PHF20: variants seen among roughly 807,000 people sequenced by gnomAD.
The protein encoded by PHF20 is glioma-expressed antigen 2.
A neutral mutation model predicts 113.5 loss-of-function variants in PHF20; 23 were observed. The observed-to-expected ratio is 0.20, with a 90% CI of 0.15 to 0.29. PHF20 has a LOEUF of 0.29. Ranked by LOEUF, PHF20 falls within the 10% of genes least tolerant of loss-of-function variation. The pLI is 1.00. For synonymous variants in PHF20, 434 were observed against 457.3 expected (o/e 0.95, Z 0.65); for missense variants, 943 against 1,219.6 (o/e 0.77, Z 3.38).
At position 35,938,818 on chromosome 20, in the gene PHF20, A is replaced by G; in HGVS notation, c.2422A>G (p.Ser808Gly). The change falls in exon 16 of 18, where the codon AGC becomes GGC. Residue 808 changes from serine to glycine, a missense_variant. This residue lies in a region of PHF20 where 349 missense variants were observed against 412.3 expected (regional missense o/e 0.85). Coordinates refer to ENST00000374012, the MANE Select transcript of PHF20 (RefSeq NM_016436.5). ...CACCAGGAGCAAGGAGGAAGCTCCA[A>G]GCTATAGAACTTTGAACGGGGCAGT... Reference protein sequence around the residue: ...TDTRSKEEAPSYRTLNGAVEK... With the variant: ...TDTRSKEEAPGYRTLNGAVEK... The G allele has an allele frequency of 6.2e-7, 1 of 1,614,198 alleles. No individual in the cohort carries two copies. The highest frequency in any genetic ancestry group is 8.5e-7 in the Non-Finnish European group (1 of 1,180,028).
At chr20:35,906,071 G>A (rs1278471515) in intron 10 of PHF20, among the ~76,000 whole-genome samples, 1 of 152,182 alleles carries the variant, frequency 6.6e-6, no homozygotes, top group Non-Finnish European at 1.5e-5. Context: ...GAATTTTCTA[G>A]TGTCAAAGAG....
chr20:35,947,625 T>G lies in PHF20; in HGVS notation c.3037T>G (p.Ter1013GlyextTer24). Reference sequence around the variant, plus strand: ...GCAGATCGCCCTCTGCTGCTCAACATGAAACTGGGCACCCAAAACTCATGG... The same window carrying G: ...GCAGATCGCCCTCTGCTGCTCAACAGGAAACTGGGCACCCAAAACTCATGG... ...VQQIALCCST* is the reference protein window; with the variant it reads ...VQQIALCCSTG Residue 1013 changes from the stop codon to glycine, a stop_lost, in exon 18 of 18, where the codon TGA (stop) becomes GGA (glycine). Coordinates refer to ENST00000374012, the MANE Select transcript of PHF20 (RefSeq NM_016436.5). 2 of 1,612,952 alleles carry G rather than the reference T, an allele frequency of 1.2e-6. No homozygotes were observed. Among genetic ancestry groups the G allele is most frequent in the South Asian group, 1.1e-5 (1 of 91,042 alleles).
intron 9 of PHF20, among the ~76,000 whole-genome samples, chr20:35,897,098 G>T (rs1294428769): frequency 2.0e-5 from 3 of 151,928 alleles, no homozygotes; most frequent in Non-Finnish European, 4.4e-5. Flanking sequence ...CAGTGGTACA[G>T]TCATGGCTCA....
chr20:35,773,191 G>A (rs148837661), intron 1 of PHF20, among the ~76,000 whole-genome samples: 1 of 152,248 alleles, frequency 6.6e-6, no homozygotes, highest in African/African-American at 2.4e-5. Flanking sequence ...CTCTCAGAGT[G>A]CAGCCACTTT....
chr20:35,853,740 G>C (rs1415154303), intron 4 of PHF20, among the ~76,000 whole-genome samples: 1 of 151,484 alleles, frequency 6.6e-6, no homozygotes, highest in African/African-American at 2.4e-5. Flanking sequence ...GATGGGTGAC[G>C]AAGACCCTAT....
chr20:35,786,492 A>T (rs1270716831), intron 1 of PHF20, among the ~76,000 whole-genome samples: 1 of 152,158 alleles, frequency 6.6e-6, no homozygotes, highest in Non-Finnish European at 1.5e-5. Context: ...TCACAAGGCC[A>T]GGAGATCGAG....
intron 2 of PHF20, among the ~76,000 whole-genome samples, chr20:35,836,226 A>AGG (rs1171186319): frequency 6.6e-6 from 1 of 151,602 alleles, no homozygotes; most frequent in Non-Finnish European, 1.5e-5. Flanking sequence ...TGTCTTGTTC[A>AGG]GGCTGGTCTC....
intron 10 of PHF20, among the ~76,000 whole-genome samples, chr20:35,911,074 A>T (rs1849800785): frequency 6.8e-6 from 1 of 146,700 alleles, no homozygotes; most frequent in Non-Finnish European, 1.5e-5. Context: ...GGAGTCTTGC[A>T]CTGTCGCCCA....
chr20:35,866,867 A>G (rs1232947386), intron 6 of PHF20, among the ~76,000 whole-genome samples: 1 of 152,202 alleles, frequency 6.6e-6, no homozygotes, highest in African/African-American at 2.4e-5. Flanking sequence ...AATGAGTAGG[A>G]TAAATTTAAT....
intron 9 of PHF20, among the ~76,000 whole-genome samples, chr20:35,879,662 A>G (rs183872627): frequency 2.0e-5 from 3 of 151,814 alleles, no homozygotes; most frequent in African/African-American, 7.2e-5. Context: ...TTTACATTCC[A>G]TGGTGGTTAC....
intron 1 of PHF20, chr20:35,800,286 A>T (rs747618295): frequency 2.6e-5 from 4 of 152,158 alleles, no homozygotes; most frequent in Non-Finnish European, 4.4e-5. Context: ...ATAGCTGGGC[A>T]TGGTGGCAGG....
intron 5 of PHF20, 91 bp downstream of exon 5, chr20:35,858,472 T>C: frequency 1.5e-6 from 1 of 680,900 alleles, no homozygotes. Flanking sequence ...TTGTTTATGA[T>C]AGCAAGTGTT....
chr20:35,869,653 TG>T, intron 7 of PHF20, 102 bp downstream of exon 7: 1 of 732,876 alleles, frequency 1.4e-6, no homozygotes, highest in Non-Finnish European at 2.4e-6. Flanking sequence ...CTCTAATGTT[TG>T]TCTCTGGTCA....
At position 35,913,344 on chromosome 20, in the gene PHF20, C is replaced by T; in HGVS notation, c.1657C>T (p.Pro553Ser). 6.3e-7 allele frequency: 1 copy of T among 1,588,784 alleles called. No homozygotes were observed. Among genetic ancestry groups the T allele is most frequent in the Non-Finnish European group, 8.6e-7 (1 of 1,166,528 alleles). The change falls in exon 11 of 18, where the codon CCT becomes TCT. Residue 553 changes from proline (P) to serine (S), a missense_variant. Coordinates refer to ENST00000374012, the MANE Select transcript of PHF20 (RefSeq NM_016436.5). ...KKKKKKKKTK[P>S]ECPCSEEISD... ...AAAGAAAAAGAAAAAGAAAACCAAA[C>T]CTGGTAATTTTTTTTCCTGAGGGTT...
At chr20:35,927,523 C>T (rs979535978) in intron 13 of PHF20, among the ~76,000 whole-genome samples, 2 of 152,152 alleles carry the variant, frequency 1.3e-5, no homozygotes, top group Non-Finnish European at 2.9e-5. Flanking sequence ...AGATGTCACT[C>T]GTGGGACTGA....
intron 2 of PHF20, among the ~76,000 whole-genome samples, chr20:35,804,695 A>G (rs2041849032): frequency 1.3e-5 from 2 of 151,284 alleles, no homozygotes; most frequent in Non-Finnish European, 2.9e-5. Context: ...ATTATTTTTT[A>G]TTGTATTTTT....
At chr20:35,932,056 A>G (rs1480167667) in intron 15 of PHF20, among the ~76,000 whole-genome samples, 1 of 149,658 alleles carries the variant, frequency 6.7e-6, no homozygotes, top group African/African-American at 2.5e-5. Context: ...TTGTTTTGGC[A>G]TACAGTTCTG....
At chr20:35,903,065 TTCCTA>T (rs1478001763) in intron 10 of PHF20, among the ~76,000 whole-genome samples, 1 of 136,554 alleles carries the variant, frequency 7.3e-6, no homozygotes, top group African/African-American at 3.2e-5. Context: ...TTCCTTTCCT[TTCCTA>T]TCCTTTCTTT....
chr20:35,838,876 C>T (rs1018595325), intron 2 of PHF20, among the ~76,000 whole-genome samples: 4 of 151,504 alleles, frequency 2.6e-5, no homozygotes, highest in Middle Eastern at 3.4e-3. Context: ...AGCCTGTAGT[C>T]CCAGCTACTC....
Sources: allele counts gnomAD v4.1 joint callset (sites outside exome capture counted in the v4.1 genomes callset), GRCh38; gene constraint gnomAD v4.1.1; regional missense constraint gnomAD v4.1.1; transcripts MANE v1.5; gene names NCBI Gene and HGNC (gene_info 2026-07-23, HGNC 2026-07-21).